CRACR2A: variants seen among roughly 807,000 people sequenced by gnomAD.
CRACR2A encodes the protein calcium release activated channel regulator 2A, also known as EF-hand calcium-binding domain-containing protein 4B.
A neutral mutation model predicts 90.5 loss-of-function variants in CRACR2A; 79 were observed. The ratio of observed to expected loss-of-function variants is 0.87; its 90% confidence interval spans 0.73 to 1.05. CRACR2A has a LOEUF of 1.05. CRACR2A is among the 50% of genes least tolerant of loss of function. CRACR2A has a pLI of 0.00. For synonymous variants in CRACR2A, 338 were observed against 356.7 expected, an observed-to-expected ratio of 0.95 and a Z score of 0.59; for missense variants, 823 against 897.2, an observed-to-expected ratio of 0.92 and a Z score of 1.06.
chr12:3,641,696 G>A, intron 13 of CRACR2A, 36 bp downstream of exon 13: 1 of 1,536,984 alleles, frequency 6.5e-7, no homozygotes, highest in Non-Finnish European at 8.8e-7. Context: ...ATGAGCCTGA[G>A]AGGAATGAAG....
intron 1 of CRACR2A, among the ~76,000 whole-genome samples, chr12:3,733,976 T>A (rs1469719085): frequency 1.4e-5 from 2 of 139,950 alleles, no homozygotes; most frequent in Admixed American, 7.2e-5. Flanking sequence ...TTGCCTTATT[T>A]TTTTTTTTTT....
intron 2 of CRACR2A, chr12:3,727,266 A>G (rs1175216538): frequency 2.0e-5 from 3 of 152,144 alleles, no homozygotes; most frequent in Admixed American, 2.0e-4. Context: ...AGAATATCAG[A>G]GTAAGAAGGA....
intron 2 of CRACR2A, chr12:3,730,329 G>A (rs981429202): frequency 6.6e-6 from 1 of 152,240 alleles, no homozygotes; most frequent in African/African-American, 2.4e-5. Context: ...AGCAAGAGGT[G>A]GTGGGGAAGA....
chr12:3,647,482 GA>G (rs199758604), intron 11 of CRACR2A, among the ~76,000 whole-genome samples: 2 of 151,650 alleles, frequency 1.3e-5, no homozygotes, highest in Non-Finnish European at 2.9e-5. Flanking sequence ...AAATGCAATA[GA>G]AAAAAAAGAC....
chr12:3,709,470 C>T (rs1252064486), intron 3 of CRACR2A, among the ~76,000 whole-genome samples: 1 of 152,188 alleles, frequency 6.6e-6, no homozygotes, highest in African/African-American at 2.4e-5. Flanking sequence ...CTTAAGTCTG[C>T]CTGACTCTTT....
rs946756741 is a variant in CRACR2A, at chr12:3,641,971, T to C, written c.1165-133A>G. On this transcript the variant is annotated intron_variant, in intron 12 of 19. Coordinates refer to ENST00000440314, the MANE Select transcript of CRACR2A (RefSeq NM_001144958.2). ...GAAAGGAGTAGGCAGTGTTCTGGTC[T>C]CCCTGTTAGCGTCTAGCCACTCTTC... 20 of 743,070 alleles carry C rather than the reference T, an allele frequency of 2.7e-5. No homozygotes were observed. In the African/African-American group the frequency reaches 3.5e-4, roughly 13 times the overall value. The allele number at this position is 743,070 out of a possible 1,614,324, so 46.0% of individuals were successfully genotyped here. A position where few individuals can be genotyped will look rare whatever the true frequency, so the allele number is the denominator to read the frequency against.
intron 6 of CRACR2A, among the ~76,000 whole-genome samples, chr12:3,676,159 T>C (rs1327783883): frequency 6.6e-6 from 1 of 152,234 alleles, no homozygotes; most frequent in Non-Finnish European, 1.5e-5. Context: ...AAGTATTTAT[T>C]ATGATCTGTT....
At chr12:3,666,364 T>TGTGTGTGTGTGCGCGC (rs765943563) in intron 7 of CRACR2A, among the ~76,000 whole-genome samples, 20 of 149,494 alleles carry the variant, frequency 1.3e-4, no homozygotes, top group African/African-American at 4.5e-4. Context: ...TGCGTGCGTG[T>TGTGTGTGTGTGCGCGC]GCGCGTGCGC....
chr12:3,616,517 C>T (rs1330391867), intron 19 of CRACR2A, among the ~76,000 whole-genome samples: 2 of 152,196 alleles, frequency 1.3e-5, no homozygotes, highest in Non-Finnish European at 2.9e-5. Context: ...TTTCTGGTTT[C>T]TACACCCACT....
chr12:3,666,537 C>CA (rs1222549400), intron 7 of CRACR2A, among the ~76,000 whole-genome samples: 5 of 152,154 alleles, frequency 3.3e-5, no homozygotes, highest in South Asian at 2.1e-4. Flanking sequence ...AGATAATTTG[C>CA]AGGGAACTAC....
Position 3,641,930 on chromosome 12 carries a change from C to T in CRACR2A, c.1165-92G>A, listed in dbSNP as rs568191771. 9.9e-5 allele frequency: 111 copies of T among 1,123,658 alleles called. 1 individual carries two copies. The South Asian group carries it at 1.5e-3, about 15-fold the overall frequency. 69.6% of individuals were successfully genotyped at this position (1,123,658 alleles called of 1,614,324 possible). ...CATGGTTCCCACCTCATAGACTAGG[C>T]TCTACACAAAACTCTGAAAGGAGTA... is the stretch of plus-strand genomic sequence containing the variant. On this transcript the variant is annotated intron_variant, in intron 12 of 19. Coordinates refer to ENST00000440314, the MANE Select transcript of CRACR2A (RefSeq NM_001144958.2).
intron 7 of CRACR2A, among the ~76,000 whole-genome samples, chr12:3,666,606 A>C (rs1478245197): frequency 3.9e-5 from 6 of 152,234 alleles, no homozygotes; most frequent in African/African-American, 9.6e-5. Context: ...AACTGTGAAA[A>C]TTAATTAACC....
chr12:3,641,369 G>A (rs1161707903), intron 13 of CRACR2A, among the ~76,000 whole-genome samples: 3 of 152,030 alleles, frequency 2.0e-5, no homozygotes, highest in Non-Finnish European at 2.9e-5. Flanking sequence ...CAAAAACCCC[G>A]AAACCAAGTG....
At chr12:3,680,486 T>A in intron 4 of CRACR2A, 137 bp from the exon 5 acceptor site, 2 of 649,656 alleles carry the variant, frequency 3.1e-6, no homozygotes, top group Non-Finnish European at 2.7e-6. Context: ...AGCTTCTGCA[T>A]CCAGACTGCT....
At chr12:3,701,579 G>A (rs1350322388) in intron 3 of CRACR2A, among the ~76,000 whole-genome samples, 2 of 152,072 alleles carry the variant, frequency 1.3e-5, no homozygotes, top group Non-Finnish European at 2.9e-5. Context: ...TAGATGAACT[G>A]ATTCCTTGAA....
In CRACR2A at chr12:3,679,109, C is replaced by G. The variant is rs1945397049; in HGVS notation, c.341-11G>C. The G allele has an allele frequency of 1.9e-6, 3 of 1,607,902 alleles. No homozygotes were observed. Among genetic ancestry groups the G allele is most frequent in the Admixed American group, 1.7e-5 (1 of 58,914 alleles). On this transcript the variant is annotated splice_polypyrimidine_tract_variant and intron_variant, in intron 5 of 19. Transcript: ENST00000440314. ...TGAAGAAGAAGTGACCTGGGGGGTG[C>G]AGGGCACAAGGATCCGAATTAGACC... is the stretch of plus-strand genomic sequence containing the variant.
intron 18 of CRACR2A, among the ~76,000 whole-genome samples, chr12:3,618,366 C>T (rs1337991456): frequency 1.3e-5 from 2 of 152,160 alleles, no homozygotes; most frequent in South Asian, 2.1e-4. Context: ...TGACTATTCA[C>T]TCAAAGTGAG....
intron 2 of CRACR2A, among the ~76,000 whole-genome samples, chr12:3,720,903 G>A (rs1946159429): frequency 1.3e-5 from 2 of 152,188 alleles, no homozygotes; most frequent in East Asian, 1.9e-4. Context: ...AGACAAAGTC[G>A]AATCATGGTG....
chr12:3,658,698 G>T (rs1159581512), intron 8 of CRACR2A, among the ~76,000 whole-genome samples: 1 of 152,198 alleles, frequency 6.6e-6, no homozygotes, highest in Non-Finnish European at 1.5e-5. Context: ...AGAAGGGGTT[G>T]TGAGAATAGC....
Sources: allele counts gnomAD v4.1 joint callset (sites outside exome capture counted in the v4.1 genomes callset), GRCh38; gene constraint gnomAD v4.1.1; transcripts MANE v1.5; gene names NCBI Gene and HGNC (gene_info 2026-07-23, HGNC 2026-07-21).